SLC39A8: variants seen among roughly 807,000 people sequenced by gnomAD.
SLC39A8 encodes solute carrier family 39 member 8, also known as metal cation symporter ZIP8.
In SLC39A8, 15 loss-of-function variants were observed where a neutral mutation model predicts 40.4. The ratio of observed to expected loss-of-function variants is 0.37; its 90% CI spans 0.25 to 0.57. SLC39A8 has a LOEUF of 0.57. Ranked by LOEUF, SLC39A8 falls within the 20% of genes least tolerant of loss-of-function variation. The pLI is 0.75. For missense variants in SLC39A8, 472 were observed against 558.8 expected (o/e 0.84, Z 1.57); for synonymous variants, 223 against 221.6 (o/e 1.01, Z -0.06).
intron 6 of SLC39A8, among the ~76,000 whole-genome samples, chr4:102,303,659 T>C (rs1327561821): frequency 6.6e-6 from 1 of 151,776 alleles, no homozygotes; most frequent in East Asian, 1.9e-4. Context: ...CTATTAGTCA[T>C]CTAGTATCTT....
At chr4:102,288,685 T>C (rs1733292412) in intron 6 of SLC39A8, among the ~76,000 whole-genome samples, 1 of 152,114 alleles carries the variant, frequency 6.6e-6, no homozygotes, top group African/African-American at 2.4e-5. Context: ...AAAGCAGCAT[T>C]ATTGCTGACA....
chr4:102,328,895 G>A (rs1046168255), intron 2 of SLC39A8, among the ~76,000 whole-genome samples: 7 of 152,138 alleles, frequency 4.6e-5, no homozygotes, highest in African/African-American at 1.7e-4. Flanking sequence ...GGGCTTGGTG[G>A]TGGGCGCCTG....
chr4:102,314,455 A>ATT (rs1734573014), intron 3 of SLC39A8, among the ~76,000 whole-genome samples: 1 of 152,062 alleles, frequency 6.6e-6, no homozygotes, highest in Non-Finnish European at 1.5e-5. Context: ...TACATTCAGA[A>ATT]TAAAACCCAA....
rs777479643 is a variant in SLC39A8 at position 102,315,746 on chromosome 4, G to C, written c.304C>G (p.Pro102Ala). Residue 102 changes from proline to alanine, a missense_variant, in exon 3 of 9, where the codon CCA becomes GCA. By Grantham distance (27) the Pro-to-Ala change is conservative. Transcript: ENST00000356736. The part of the protein sequence containing the change: ...ITSSKFSVIC[P>A]AVLQQLNFHP... ...AAGTTCAATTGCTGTAAGACTGCTG[G>C]ACAGATGACAGAGAATTTGGAGCTG... 1 of 1,613,410 alleles carries C rather than the reference G, an allele frequency of 6.2e-7. No individual in the cohort carries two copies. The highest frequency in any genetic ancestry group is 1.1e-5 in the South Asian group (1 of 91,032).
intron 2 of SLC39A8, among the ~76,000 whole-genome samples, chr4:102,319,970 T>C (rs1734834872): frequency 6.6e-6 from 1 of 151,462 alleles, no homozygotes; most frequent in African/African-American, 2.4e-5. Context: ...CTGCTTGAAC[T>C]GGGTCATTTG....
intron 6 of SLC39A8, among the ~76,000 whole-genome samples, chr4:102,294,731 G>GT (rs986541779): frequency 8.2e-4 from 124 of 151,872 alleles, no homozygotes; most frequent in Non-Finnish European, 4.4e-5. Context: ...TGTCAGAATA[G>GT]TTTTTTCTTT....
At chr4:102,333,169 T>C (rs759242284) in intron 2 of SLC39A8, among the ~76,000 whole-genome samples, 2 of 151,898 alleles carry the variant, frequency 1.3e-5, no homozygotes, top group African/African-American at 2.4e-5. Context: ...TCTAATAAAA[T>C]AATAAAATGT....
At chr4:102,282,882 A>G (rs973212831) in intron 6 of SLC39A8, among the ~76,000 whole-genome samples, 2 of 152,266 alleles carry the variant, frequency 1.3e-5, no homozygotes, top group South Asian at 2.1e-4. Flanking sequence ...GCGTGCCACC[A>G]TGCCTGGCTA....
At chr4:102,335,688 T>C (rs1020634814) in intron 2 of SLC39A8, among the ~76,000 whole-genome samples, 2 of 152,170 alleles carry the variant, frequency 1.3e-5, no homozygotes, top group African/African-American at 2.4e-5. Context: ...CAATGCACAT[T>C]GAAGTACTCA....
At chr4:102,282,547 G>GT (rs944241195) in intron 6 of SLC39A8, among the ~76,000 whole-genome samples, 13 of 151,626 alleles carry the variant, frequency 8.6e-5, no homozygotes, top group Non-Finnish European at 7.4e-5. Flanking sequence ...AGGACAAGAT[G>GT]TTTTTTTCCT....
chr4:102,254,964 T>C (rs1370639371), intron 11 of SLC39A8, among the ~76,000 whole-genome samples: 1 of 152,228 alleles, frequency 6.6e-6, no homozygotes, highest in Non-Finnish European at 1.5e-5. Flanking sequence ...ACTTTTGATG[T>C]ATTAATTGTG....
chr4:102,295,057 C>G (rs919414393), intron 6 of SLC39A8, among the ~76,000 whole-genome samples: 1 of 150,196 alleles, frequency 6.7e-6, no homozygotes, highest in Non-Finnish European at 1.5e-5. Context: ...TGTGTGCATA[C>G]TCCATGACCC....
chr4:102,344,496 C>T lies in SLC39A8; in HGVS notation c.167G>A (p.Gly56Glu). The T allele has an allele frequency of 6.4e-7, 1 of 1,555,894 alleles. No homozygotes were observed. The highest frequency in any genetic ancestry group is 8.7e-7 in the Non-Finnish European group (1 of 1,150,842). Reference protein sequence around the residue: ...AQLQHLLEQMGAASRVGVPEP... With the variant: ...AQLQHLLEQMEAASRVGVPEP... ...CGGGACGCCCACGCGGGAGGCGGCT[C>T]CCATCTGCTCCAGCAAGTGCTGGAG... Residue 56 changes from glycine (G) to glutamate (E), a missense_variant, in exon 2 of 9, where the codon GGA (glycine) becomes GAA (glutamate). By Grantham distance (98) the Gly-to-Glu change is moderately conservative (BLOSUM62 -2). Transcript: ENST00000356736.
At chr4:102,293,360 T>G (rs975005755) in intron 6 of SLC39A8, among the ~76,000 whole-genome samples, 1 of 151,910 alleles carries the variant, frequency 6.6e-6, no homozygotes, top group African/African-American at 2.4e-5. Flanking sequence ...TATCACCACT[T>G]CTACTCAACA....
intron 2 of SLC39A8, among the ~76,000 whole-genome samples, chr4:102,320,169 ATATATATATATATATATATATG>A (rs1560560672): frequency 1.2e-4 from 3 of 24,568 alleles, no homozygotes; most frequent in Non-Finnish European, 2.9e-4. Context: ...ATATATATAC[ATATATATATATATATATATATG>A]TATATATATA....
intron 6 of SLC39A8, among the ~76,000 whole-genome samples, chr4:102,290,279 C>T (rs1733366965): frequency 1.3e-5 from 2 of 152,112 alleles, no homozygotes; most frequent in Admixed American, 1.3e-4. Flanking sequence ...ACTTAATAGA[C>T]TATAGTGTAG....
intron 2 of SLC39A8, among the ~76,000 whole-genome samples, chr4:102,339,899 C>G (rs2149057064): frequency 6.6e-6 from 1 of 152,268 alleles, no homozygotes; most frequent in South Asian, 2.1e-4. Flanking sequence ...ACATTTATTC[C>G]TAGTGTTCCA....
At chr4:102,274,813 A>G (rs1000609232) in intron 6 of SLC39A8, among the ~76,000 whole-genome samples, 1 of 152,236 alleles carries the variant, frequency 6.6e-6, no homozygotes, top group South Asian at 2.1e-4. Flanking sequence ...TTCTTAAATA[A>G]AAGAATTTTC....
chr4:102,283,999 G>T (rs892835475), intron 6 of SLC39A8, among the ~76,000 whole-genome samples: 4 of 152,162 alleles, frequency 2.6e-5, no homozygotes, highest in Non-Finnish European at 5.9e-5. Flanking sequence ...TAACTTAAAT[G>T]TGTTCTCCTT....
Sources: gnomAD v4.1 joint callset for allele counts (sites outside exome capture counted in the v4.1 genomes callset) on GRCh38, gnomAD v4.1.1 for gene constraint, MANE v1.5 for transcripts, NCBI Gene and HGNC (gene_info 2026-07-23, HGNC 2026-07-21) for gene names.